CHCHD6: variants seen among roughly 807,000 people sequenced by gnomAD.
CHCHD6 encodes coiled-coil-helix-coiled-coil-helix domain containing 6, also known as MICOS complex subunit MIC25.
In CHCHD6, 28 loss-of-function variants were observed where a neutral mutation model predicts 32.3. The observed-to-expected ratio is 0.87, with a 90% CI of 0.64 to 1.19. CHCHD6 has a LOEUF of 1.19. Among genes scored for constraint, CHCHD6 ranks in the 50% most tolerant of loss-of-function variants. CHCHD6 has a pLI of 0.00. For synonymous variants in CHCHD6, 122 were observed against 117.5 expected (o/e 1.04, Z -0.25); for missense variants, 333 against 307.0 (o/e 1.08, Z -0.63).
At chr3:126,858,453 C>T (rs1941739355) in intron 5 of CHCHD6, among the ~76,000 whole-genome samples, 1 of 152,158 alleles carries the variant, frequency 6.6e-6, no homozygotes, top group African/African-American at 2.4e-5. Flanking sequence ...CTGAGGAAGG[C>T]AGCCCAGCAG....
At chr3:126,742,706 A>G (rs997405382) in intron 4 of CHCHD6, among the ~76,000 whole-genome samples, 6 of 152,294 alleles carry the variant, frequency 3.9e-5, no homozygotes, top group African/African-American at 1.4e-4. Flanking sequence ...ACTTGATGCC[A>G]TGCACCACCT....
chr3:126,772,685 A>G (rs565050687), intron 4 of CHCHD6, among the ~76,000 whole-genome samples: 2 of 152,292 alleles, frequency 1.3e-5, no homozygotes, highest in South Asian at 4.1e-4. Flanking sequence ...TTCTTTATCC[A>G]GCTTGCCACT....
chr3:126,958,120 C>G (rs1462115028), intron 7 of CHCHD6, among the ~76,000 whole-genome samples: 2 of 151,704 alleles, frequency 1.3e-5, no homozygotes, highest in African/African-American at 2.4e-5. Flanking sequence ...GTCCTGGATG[C>G]CTGTGATGCG....
chr3:126,862,534 T>G (rs534689625), intron 5 of CHCHD6, among the ~76,000 whole-genome samples: 37 of 99,380 alleles, frequency 3.7e-4, no homozygotes, highest in African/African-American at 1.3e-3. Flanking sequence ...CTCACCCTCT[T>G]CCACCATCAC....
At chr3:126,734,021 C>T (rs866413981) in intron 4 of CHCHD6, among the ~76,000 whole-genome samples, 1 of 152,102 alleles carries the variant, frequency 6.6e-6, no homozygotes, top group South Asian at 2.1e-4. Flanking sequence ...CCCACAAGTC[C>T]CATGCAGACA....
intron 4 of CHCHD6, among the ~76,000 whole-genome samples, chr3:126,810,197 A>G (rs1243490577): frequency 6.6e-6 from 1 of 152,264 alleles, no homozygotes. Context: ...ACTAAAGTAC[A>G]GTACATGGCT....
intron 6 of CHCHD6, among the ~76,000 whole-genome samples, chr3:126,954,464 G>A (rs757113119): frequency 8.5e-5 from 13 of 152,256 alleles, no homozygotes; most frequent in Non-Finnish European, 1.8e-4. Context: ...CAGCCCTCCA[G>A]CTCCATGAGG....
chr3:126,913,664 A>G (rs945686170), intron 5 of CHCHD6, among the ~76,000 whole-genome samples: 13 of 152,200 alleles, frequency 8.5e-5, no homozygotes, highest in Non-Finnish European at 1.8e-4. Flanking sequence ...CTGCTTCCTC[A>G]TGAGTCAGCC....
At chr3:126,892,671 T>C (rs902670090) in intron 5 of CHCHD6, among the ~76,000 whole-genome samples, 19 of 152,208 alleles carry the variant, frequency 1.2e-4, no homozygotes, top group African/African-American at 4.3e-4. Flanking sequence ...TTCTCCAGAC[T>C]GTATTCCCTT....
At chr3:126,791,610 G>C (rs1938547578) in intron 4 of CHCHD6, among the ~76,000 whole-genome samples, 1 of 152,232 alleles carries the variant, frequency 6.6e-6, no homozygotes, top group South Asian at 2.1e-4. Flanking sequence ...GTGGGTGTGT[G>C]ACCTTTTTTG....
chr3:126,731,092 T>A (rs1172824223), intron 3 of CHCHD6, among the ~76,000 whole-genome samples: 1 of 106,786 alleles, frequency 9.4e-6, no homozygotes, highest in African/African-American at 4.2e-5. Flanking sequence ...TTGGTGACCC[T>A]GTCTCTAAAA....
In CHCHD6 at chr3:126,912,592, C is replaced by T. The variant is rs1300895646; in HGVS notation, c.496-2088C>T. ...TCCTTGGCTCAGAAGTGAGGAGCAGCGAGGTGACTTGCCTAAGCTCACCAG... is the reference window on the plus strand; with the variant it reads ...TCCTTGGCTCAGAAGTGAGGAGCAGTGAGGTGACTTGCCTAAGCTCACCAG... On this transcript the variant is annotated intron_variant, in intron 5 of 7. Transcript: ENST00000290913. 2.0e-5 allele frequency among the ~76,000 whole-genome samples: 3 copies of T among 152,296 alleles called. No homozygotes were observed. The South Asian group carries it at 6.2e-4, about 32-fold the overall frequency.
intron 4 of CHCHD6, among the ~76,000 whole-genome samples, chr3:126,755,099 G>T (rs1179640300): frequency 6.6e-6 from 1 of 152,232 alleles, no homozygotes; most frequent in Non-Finnish European, 1.5e-5. Flanking sequence ...AGCGAGGGCA[G>T]AGGAAAGTGG....
chr3:126,846,905 C>T (rs986054747), intron 4 of CHCHD6, among the ~76,000 whole-genome samples: 20 of 152,172 alleles, frequency 1.3e-4, no homozygotes, highest in Admixed American at 5.9e-4. Context: ...CAAAATAAAA[C>T]AGTAGACAGT....
At chr3:126,789,734 G>C (rs1559844977) in intron 4 of CHCHD6, among the ~76,000 whole-genome samples, 1 of 152,028 alleles carries the variant, frequency 6.6e-6, no homozygotes, top group South Asian at 2.1e-4. Flanking sequence ...ACGTGAGATG[G>C]GTTTCCTGAA....
At chr3:126,912,092 A>G (rs1163505483) in intron 5 of CHCHD6, among the ~76,000 whole-genome samples, 1 of 152,064 alleles carries the variant, frequency 6.6e-6, no homozygotes, top group Non-Finnish European at 1.5e-5. Context: ...CTCTCCACCA[A>G]CTGCAGGCTG....
chr3:126,801,117 G>A (rs1424136368), intron 4 of CHCHD6, among the ~76,000 whole-genome samples: 1 of 152,242 alleles, frequency 6.6e-6, no homozygotes, highest in East Asian at 1.9e-4. Context: ...CCGGTCCACA[G>A]CTCCCAGCGT....
At chr3:126,892,065 C>T (rs2077768882) in intron 5 of CHCHD6, among the ~76,000 whole-genome samples, 1 of 152,166 alleles carries the variant, frequency 6.6e-6, no homozygotes, top group African/African-American at 2.4e-5. Flanking sequence ...TCACAGCCTT[C>T]ATGTTGCATG....
intron 6 of CHCHD6, among the ~76,000 whole-genome samples, chr3:126,938,318 G>A (rs559546168): frequency 2.6e-4 from 40 of 152,302 alleles, no homozygotes; most frequent in Middle Eastern, 3.4e-3. Context: ...CCCACTGTGC[G>A]TTCGTTCTGT....
Sources: gnomAD v4.1 joint callset for allele counts (sites outside exome capture counted in the v4.1 genomes callset) on GRCh38, gnomAD v4.1.1 for gene constraint, MANE v1.5 for transcripts, NCBI Gene and HGNC (gene_info 2026-07-23, HGNC 2026-07-21) for gene names.